Variants in ARFGEF1 observed in about 807,000 individuals in gnomAD.
ARFGEF1 encodes the protein brefeldin A-inhibited guanine nucleotide-exchange protein 1.
Under a neutral mutation model 231.0 loss-of-function variants are expected in ARFGEF1, and 42 were observed. That is an observed-to-expected ratio of 0.18 (90% CI 0.14 to 0.24). The LOEUF (loss-of-function observed/expected upper bound fraction) is 0.24, where lower values mean the gene tolerates loss of function less well. Ranked by LOEUF, ARFGEF1 falls within the 10% of genes least tolerant of loss-of-function variation. The pLI is 1.00. For synonymous variants in ARFGEF1, 710 were observed against 732.3 expected, an observed-to-expected ratio of 0.97 and a Z score of 0.49; for missense variants, 1,345 against 2,192.0, an observed-to-expected ratio of 0.61 and a Z score of 7.72.
At chr8:67,206,952 G>A (rs555729475) in intron 34 of ARFGEF1, 2 of 152,204 alleles carry the variant, frequency 1.3e-5, no homozygotes, top group South Asian at 4.2e-4. Context: ...GATTTTGGGG[G>A]GCAGAAAAAT....
At chr8:67,239,925 A>T (rs185988296) in intron 20 of ARFGEF1, among the ~76,000 whole-genome samples, 1 of 151,454 alleles carries the variant, frequency 6.6e-6, no homozygotes, top group Non-Finnish European at 1.5e-5. Flanking sequence ...ATAGTCTTCA[A>T]TAGAGAAAAA....
downstream of ARFGEF1, among the ~76,000 whole-genome samples, chr8:67,192,964 C>T (rs368957422): frequency 2.0e-5 from 3 of 152,320 alleles, no homozygotes; most frequent in East Asian, 5.8e-4. Context: ...TGACTGGCAG[C>T]ATTTCTGTCA....
chr8:67,253,980 A>T (rs577411387), intron 17 of ARFGEF1, among the ~76,000 whole-genome samples: 1 of 152,348 alleles, frequency 6.6e-6, no homozygotes, highest in East Asian at 1.9e-4. Context: ...AAAACATTCA[A>T]ATCTTAGTTT....
At chr8:67,309,118 C>T (rs1806877383) in intron 1 of ARFGEF1, among the ~76,000 whole-genome samples, 1 of 152,042 alleles carries the variant, frequency 6.6e-6, no homozygotes, top group South Asian at 2.1e-4. Flanking sequence ...CAAGATATTA[C>T]ACTAAGTGAA....
intron 1 of ARFGEF1, among the ~76,000 whole-genome samples, chr8:67,305,870 T>C (rs972645867): frequency 2.0e-5 from 3 of 152,246 alleles, no homozygotes; most frequent in African/African-American, 7.2e-5. Flanking sequence ...TTTCTGTTCA[T>C]GTCTTTCATG....
At chr8:67,270,283 C>T (rs1805023875) in intron 10 of ARFGEF1, among the ~76,000 whole-genome samples, 1 of 151,980 alleles carries the variant, frequency 6.6e-6, no homozygotes, top group South Asian at 2.1e-4. Flanking sequence ...AAAATATGGC[C>T]CAAATTAAAA....
At chr8:67,329,579 G>A in intron 1 of ARFGEF1, among the ~76,000 whole-genome samples, 1 of 145,518 alleles carries the variant, frequency 6.9e-6, no homozygotes, top group East Asian at 2.0e-4. Flanking sequence ...TAAATAAAAA[G>A]AATTTTTTAA....
intron 14 of ARFGEF1, 104 bp from the exon 15 acceptor site, chr8:67,260,030 G>A (rs774827703): frequency 2.5e-4 from 160 of 649,066 alleles, no homozygotes; most frequent in Non-Finnish European, 3.7e-4. Context: ...GAAAATAGTA[G>A]CTTATTTAAT....
intron 5 of ARFGEF1, among the ~76,000 whole-genome samples, chr8:67,292,397 C>G (rs1480383391): frequency 6.6e-6 from 1 of 152,066 alleles, no homozygotes; most frequent in African/African-American, 2.4e-5. Context: ...GAAACACACG[C>G]ACACACATTC....
At chr8:67,252,645 C>T (rs184102739) in intron 18 of ARFGEF1, among the ~76,000 whole-genome samples, 11 of 152,274 alleles carry the variant, frequency 7.2e-5, no homozygotes, top group Admixed American at 5.2e-4. Context: ...AGCCACTACC[C>T]TCATCTCATT....
At chr8:67,204,988 A>G (rs1300594632) in intron 34 of ARFGEF1, 169 bp from the exon 35 acceptor site, 4 of 793,392 alleles carry the variant, frequency 5.0e-6, no homozygotes, top group Non-Finnish European at 7.6e-6. Flanking sequence ...AGTTTAACTG[A>G]TATTTAGAAA....
chr8:67,211,599 T>G lies in ARFGEF1; in HGVS notation c.4703A>C (p.Lys1568Thr), dbSNP rs947225314. 6.6e-7 allele frequency: 1 copy of G among 1,504,750 alleles called. No individual in the cohort carries two copies. 93.2% of individuals were successfully genotyped at this position (1,504,750 alleles called of 1,614,324 possible). The change falls in exon 34 of 39, where the codon AAG becomes ACG. Residue 1568 changes from lysine to threonine, a missense_variant. Physicochemically the swap from Lys to Thr is moderately conservative, Grantham distance 78. Around this residue, in one of 14 missense-constraint regions of ARFGEF1, gnomAD observed 89 missense variants for 74.8 expected, o/e 1.19. Transcript: ENST00000262215. ...AATAGAATCATGAATATCTACAGACTTCTGTGATATTGTATCCTAATAAAT... is the reference window on the plus strand; with the variant it reads ...AATAGAATCATGAATATCTACAGACGTCTGTGATATTGTATCCTAATAAAT... ...SEKPLDTISQ[K>T]SVDIHDSIQP...
At chr8:67,247,543 T>C (rs553642733) in intron 19 of ARFGEF1, among the ~76,000 whole-genome samples, 1 of 150,042 alleles carries the variant, frequency 6.7e-6, no homozygotes, top group African/African-American at 2.5e-5. Flanking sequence ...CTCAAAGAAG[T>C]AGGTATAGAA....
chr8:67,339,166 G>A (rs185142419), intron 1 of ARFGEF1, among the ~76,000 whole-genome samples: 2 of 152,198 alleles, frequency 1.3e-5, no homozygotes, highest in Admixed American at 1.3e-4. Context: ...ATAATATGAT[G>A]AACAATATAA....
At chr8:67,315,271 T>TAGA (rs1258977809) in intron 1 of ARFGEF1, among the ~76,000 whole-genome samples, 10 of 152,094 alleles carry the variant, frequency 6.6e-5, no homozygotes, top group Non-Finnish European at 1.5e-4. Flanking sequence ...TTGAAATGGA[T>TAGA]AGAACTAAAA....
At chr8:67,242,852 C>T (rs1839972671) in intron 19 of ARFGEF1, among the ~76,000 whole-genome samples, 1 of 152,158 alleles carries the variant, frequency 6.6e-6, no homozygotes, top group South Asian at 2.1e-4. Flanking sequence ...AGCCCTTGGC[C>T]CTTGTGAACA....
intron 1 of ARFGEF1, among the ~76,000 whole-genome samples, chr8:67,320,743 G>GTCCT (rs1271335517): frequency 2.0e-5 from 3 of 151,710 alleles, no homozygotes; most frequent in African/African-American, 7.3e-5. Flanking sequence ...GATTACCTGA[G>GTCCT]GTCAGGAGCT....
At chr8:67,204,184 TTCTC>T (rs142381896) in intron 35 of ARFGEF1, among the ~76,000 whole-genome samples, 1 of 151,852 alleles carries the variant, frequency 6.6e-6, no homozygotes. Flanking sequence ...ACATTCTCTC[TTCTC>T]TCTCTCTCTC....
At chr8:67,333,040 CTT>C (rs111581499) in intron 1 of ARFGEF1, among the ~76,000 whole-genome samples, 3,074 of 141,864 alleles carry the variant, frequency 0.022, 58 homozygotes, top group South Asian at 0.046. Flanking sequence ...AAATTAAATA[CTT>C]TTTTTTTTTT....
Sources: gnomAD v4.1 joint callset for allele counts (sites outside exome capture counted in the v4.1 genomes callset) on GRCh38, gnomAD v4.1.1 for gene constraint, gnomAD v4.1.1 regional missense constraint, MANE v1.5 for transcripts, NCBI Gene and HGNC (gene_info 2026-07-23, HGNC 2026-07-21) for gene names.